The following MCPH1 variants were observed in gnomAD, a reference collection of about 807,000 sequenced individuals.
The protein encoded by MCPH1 is microcephalin.
A neutral mutation model predicts 84.5 loss-of-function variants in MCPH1; 104 were observed. The observed-to-expected ratio is 1.23, with a 90% CI of 1.05 to 1.45. The LOEUF (loss-of-function observed/expected upper bound fraction) is 1.45. Ranked by LOEUF, MCPH1 falls within the 40% of genes most tolerant of loss-of-function variation. MCPH1 has a pLI of 0.00. For missense variants in MCPH1, 1,498 were observed against 1,005.7 expected, an observed-to-expected ratio of 1.49 and a Z score of -6.62; for synonymous variants, 514 against 366.8, an observed-to-expected ratio of 1.40 and a Z score of -4.58.
chr8:6,452,757 C>T (rs552934866), intron 8 of MCPH1, among the ~76,000 whole-genome samples: 1 of 152,230 alleles, frequency 6.6e-6, no homozygotes, highest in Non-Finnish European at 1.5e-5. Flanking sequence ...GGAAGAAAGC[C>T]TTCACCGGAA....
intron 4 of MCPH1, among the ~76,000 whole-genome samples, chr8:6,432,574 A>G (rs531966238): frequency 6.6e-6 from 1 of 152,378 alleles, no homozygotes; most frequent in African/African-American, 2.4e-5. Flanking sequence ...TTACTCTGAA[A>G]CATCACAGCC....
intron 8 of MCPH1, 76 bp downstream of exon 8, chr8:6,445,623 C>A: frequency 6.6e-7 from 1 of 1,505,846 alleles, no homozygotes; most frequent in Non-Finnish European, 8.8e-7. Flanking sequence ...AAATTTATCA[C>A]AACTTTTTCA....
intron 13 of MCPH1, among the ~76,000 whole-genome samples, chr8:6,623,205 T>C (rs1035112861): frequency 6.6e-6 from 1 of 151,992 alleles, no homozygotes; most frequent in Non-Finnish European, 1.5e-5. Flanking sequence ...CCAAATACAG[T>C]CTCATCCTGA....
chr8:6,607,176 C>G (rs796357414), intron 12 of MCPH1, among the ~76,000 whole-genome samples: 3 of 152,322 alleles, frequency 2.0e-5, no homozygotes, highest in African/African-American at 4.8e-5. Flanking sequence ...GTTATAAGAT[C>G]CTCATTTGGG....
intron 12 of MCPH1, among the ~76,000 whole-genome samples, chr8:6,555,405 T>C (rs1586599289): frequency 1.3e-5 from 2 of 152,036 alleles, no homozygotes; most frequent in East Asian, 3.8e-4. Flanking sequence ...TTTGTAAGAA[T>C]ATCCCATGTA....
At position 6,505,341 on chromosome 8, in the gene MCPH1, T is replaced by C. The variant is rs1563306307; in HGVS notation, c.2214+5412T>C. Among the ~76,000 whole-genome samples the C allele has an allele frequency of 1.9e-3, 80 of 41,524 alleles. 2 individuals are homozygous for C. Among genetic ancestry groups the C allele is most frequent in the Admixed American group, 0.012 (50 of 4,012 alleles). The allele number at this position is 41,524 out of a possible 152,430, so 27.2% of individuals were successfully genotyped here. ...ATATGTTATATACATATAGAAAGAA[T>C]ATATATATTCTTTCTATATGTATAT... On this transcript the variant is annotated intron_variant, in intron 12 of 13. Coordinates refer to ENST00000344683, the MANE Select transcript of MCPH1 (RefSeq NM_024596.5).
intron 12 of MCPH1, 145 bp downstream of exon 12, chr8:6,500,074 T>C (rs1195322802): frequency 5.7e-6 from 4 of 707,792 alleles, no homozygotes; most frequent in Non-Finnish European, 1.0e-5. Context: ...CTTAACACCT[T>C]TTATCAATTT....
At chr8:6,446,889 C>T (rs550854909) in intron 8 of MCPH1, 4 of 985,176 alleles carry the variant, frequency 4.1e-6, no homozygotes, top group African/African-American at 3.5e-5. Flanking sequence ...CCCCCTGCGT[C>T]GACAGCCTCC....
At chr8:6,633,627 C>G (rs1478853944) in intron 13 of MCPH1, among the ~76,000 whole-genome samples, 10 of 152,098 alleles carry the variant, frequency 6.6e-5, no homozygotes, top group Admixed American at 6.6e-4. Flanking sequence ...AAAGACCCAC[C>G]CAGCCCCCTT....
chr8:6,593,584 C>T (rs1489005755), intron 12 of MCPH1, among the ~76,000 whole-genome samples: 2 of 152,112 alleles, frequency 1.3e-5, no homozygotes, highest in Non-Finnish European at 2.9e-5. Context: ...AGACTCCTGA[C>T]CTCAGGTGAT....
chr8:6,411,316 G>C (rs553906906), intron 2 of MCPH1, among the ~76,000 whole-genome samples: 1 of 152,096 alleles, frequency 6.6e-6, no homozygotes, highest in Non-Finnish European at 1.5e-5. Context: ...AGCCAGTGAA[G>C]GTTATAGCAT....
chr8:6,459,246 T>A (rs1806013636), intron 9 of MCPH1, among the ~76,000 whole-genome samples: 1 of 152,038 alleles, frequency 6.6e-6, no homozygotes, highest in Non-Finnish European at 1.5e-5. Context: ...ATAAACTGTG[T>A]TAAACTGAAA....
intron 12 of MCPH1, chr8:6,562,578 T>TTTTTTTTTTTTTTTTTAAAAAA: frequency 1.1e-6 from 1 of 880,188 alleles, no homozygotes. Context: ...TTTTGGTTGT[T>TTTTTTTTTTTTTTTTTAAAAAA]AAAACCTGAG....
chr8:6,594,892 G>T (rs375959949), intron 12 of MCPH1, among the ~76,000 whole-genome samples: 2 of 152,218 alleles, frequency 1.3e-5, no homozygotes, highest in East Asian at 1.9e-4. Flanking sequence ...GGATAGAAGA[G>T]ACATTACTTT....
At chr8:6,500,018 C>G in intron 12 of MCPH1, 89 bp downstream of exon 12, 3 of 1,102,844 alleles carry the variant, frequency 2.7e-6, no homozygotes, top group Non-Finnish European at 2.8e-6. Context: ...AAGTTTTTAT[C>G]CAGTCAAGCA....
chr8:6,542,599 T>C (rs58436743), intron 12 of MCPH1, among the ~76,000 whole-genome samples: 2 of 146,608 alleles, frequency 1.4e-5, no homozygotes, highest in African/African-American at 5.0e-5. Context: ...ATTCTTATCT[T>C]AAAAAAAAAA....
chr8:6,619,939 G>C (rs908316189), intron 12 of MCPH1, among the ~76,000 whole-genome samples: 2 of 152,170 alleles, frequency 1.3e-5, no homozygotes, highest in South Asian at 2.1e-4. Flanking sequence ...TAAAATGAAA[G>C]ATACTCTTTC....
chr8:6,624,062 G>A lies in MCPH1; in HGVS notation c.2452+2371G>A, dbSNP rs1270395274. ...GACAGCCCCTTCCTGTGGGTCCTGC[G>A]TCCTTGTGTGGAGTCACGCTTGCTC... On this transcript the variant is annotated intron_variant, in intron 13 of 13. Coordinates refer to ENST00000344683, the MANE Select transcript of MCPH1 (RefSeq NM_024596.5). Among the ~76,000 whole-genome samples the A allele has an allele frequency of 3.9e-5, 6 of 152,334 alleles. No individual in the cohort carries two copies. In the East Asian group the frequency reaches 7.7e-4, roughly 20 times the overall value.
intron 12 of MCPH1, among the ~76,000 whole-genome samples, chr8:6,547,861 G>A (rs1237421209): frequency 6.7e-6 from 1 of 150,078 alleles, no homozygotes; most frequent in Non-Finnish European, 1.5e-5. Context: ...TTGTTTGTTT[G>A]TTTCAGTGAG....
Sources: gnomAD v4.1 joint callset for allele counts (sites outside exome capture counted in the v4.1 genomes callset) on GRCh38, gnomAD v4.1.1 for gene constraint, MANE v1.5 for transcripts, NCBI Gene and HGNC (gene_info 2026-07-23, HGNC 2026-07-21) for gene names.